MSH3: variants seen among roughly 807,000 people sequenced by gnomAD.
MSH3 encodes DNA mismatch repair protein Msh3.
In MSH3, 106 loss-of-function variants were observed where a neutral mutation model predicts 123.3. That is an observed-to-expected ratio of 0.86 (90% CI 0.73 to 1.01). The LOEUF is 1.01. MSH3 is among the 50% of genes least tolerant of loss of function. The probability of loss-of-function intolerance (pLI) is 0.00; values close to 1 mark genes in which losing one functional copy is unlikely to be tolerated. For missense variants in MSH3, 1,459 were observed against 1,347.6 expected, an observed-to-expected ratio of 1.08 and a Z score of -1.29; for synonymous variants, 515 against 481.4, an observed-to-expected ratio of 1.07 and a Z score of -0.91.
intron 12 of MSH3, among the ~76,000 whole-genome samples, chr5:80,749,938 T>A (rs372887656): frequency 3.3e-5 from 5 of 152,128 alleles, no homozygotes; most frequent in Admixed American, 6.6e-5. Context: ...TTTATTTGAT[T>A]TTACATATAA....
chr5:80,812,731 C>G (rs923563919), intron 19 of MSH3, among the ~76,000 whole-genome samples: 4 of 151,916 alleles, frequency 2.6e-5, no homozygotes, highest in Non-Finnish European at 5.9e-5. Context: ...TCACACCCAG[C>G]TAATTTTTGT....
intron 15 of MSH3, 50 bp downstream of exon 15, chr5:80,769,053 A>T (rs745875813): frequency 2.4e-5 from 36 of 1,515,222 alleles, no homozygotes; most frequent in Non-Finnish European, 3.0e-5. Flanking sequence ...CTAGTAGAAA[A>T]GCTATTTTAA....
At chr5:80,817,474 C>CT (rs1745125870) in intron 20 of MSH3, among the ~76,000 whole-genome samples, 1 of 152,028 alleles carries the variant, frequency 6.6e-6, no homozygotes, top group Non-Finnish European at 1.5e-5. Context: ...CAGTGAGGGA[C>CT]TTGTTTTTTG....
At chr5:80,761,349 G>C (rs1160040989) in intron 12 of MSH3, among the ~76,000 whole-genome samples, 197 bp from the exon 13 acceptor site, 1 of 152,262 alleles carries the variant, frequency 6.6e-6, no homozygotes, top group East Asian at 1.9e-4. Flanking sequence ...CTCCACCCCA[G>C]TGCACCCTCC....
At chr5:80,801,246 A>G (rs1744785049) in intron 19 of MSH3, among the ~76,000 whole-genome samples, 1 of 152,162 alleles carries the variant, frequency 6.6e-6, no homozygotes, top group South Asian at 2.1e-4. Context: ...TGGAGAGTGG[A>G]TTGTGGGCAG....
chr5:80,873,499 A>T (rs1440678629), intron 23 of MSH3, among the ~76,000 whole-genome samples: 1 of 152,136 alleles, frequency 6.6e-6, no homozygotes, highest in Non-Finnish European at 1.5e-5. Context: ...AAGTTGCTAA[A>T]TTGGTTTTTC....
At chr5:80,782,567 C>G (rs1160750472) in intron 17 of MSH3, among the ~76,000 whole-genome samples, 2 of 152,054 alleles carry the variant, frequency 1.3e-5, no homozygotes, top group African/African-American at 4.8e-5. Flanking sequence ...AGAACCAATC[C>G]CCTATGGATA....
At chr5:80,687,881 A>G (rs1176865546) in intron 8 of MSH3, among the ~76,000 whole-genome samples, 5 of 152,198 alleles carry the variant, frequency 3.3e-5, no homozygotes, top group Non-Finnish European at 7.3e-5. Flanking sequence ...AAAAGCGGAT[A>G]CAGAGAAAAG....
intron 2 of MSH3, among the ~76,000 whole-genome samples, chr5:80,660,494 ACAGT>A (rs1257766928): frequency 6.6e-6 from 1 of 152,178 alleles, no homozygotes; most frequent in African/African-American, 2.4e-5. Flanking sequence ...GGGTCGGGGC[ACAGT>A]CAAACTATAT....
chr5:80,845,422 T>G (rs1745703700), intron 20 of MSH3, among the ~76,000 whole-genome samples: 1 of 152,182 alleles, frequency 6.6e-6, no homozygotes, highest in Non-Finnish European at 1.5e-5. Flanking sequence ...GTGTTCTCTG[T>G]ATTTCCTGAA....
chr5:80,791,544 T>C (rs1340777764), intron 18 of MSH3, among the ~76,000 whole-genome samples: 1 of 152,178 alleles, frequency 6.6e-6, no homozygotes, highest in Non-Finnish European at 1.5e-5. Context: ...CAGGAGAATA[T>C]GGAATAAAAC....
At chr5:80,723,090 T>C (rs1751119945) in intron 8 of MSH3, among the ~76,000 whole-genome samples, 1 of 119,432 alleles carries the variant, frequency 8.4e-6, no homozygotes, top group Non-Finnish European at 1.7e-5. Flanking sequence ...TGAAACTCTG[T>C]CTAAAAATAA....
chr5:80,707,355 C>A (rs1342747537), intron 8 of MSH3, among the ~76,000 whole-genome samples: 1 of 152,148 alleles, frequency 6.6e-6, no homozygotes, highest in Non-Finnish European at 1.5e-5. Flanking sequence ...TCTCACAGAT[C>A]TATATTTTCA....
chr5:80,654,898 C>CGCAGCGGCT lies in MSH3; in HGVS notation c.179_180insTGCAGCGGC (p.Ala60_Ala62dup). 1.2e-6 allele frequency: 1 copy of CGCAGCGGCT among 820,034 alleles called. No individual in the cohort carries two copies. Among genetic ancestry groups the CGCAGCGGCT allele is most frequent in the Non-Finnish European group, 1.7e-6 (1 of 600,234 alleles). 50.8% of individuals were successfully genotyped at this position (820,034 alleles called of 1,614,324 possible). On this transcript the variant is annotated inframe_insertion, in exon 1 of 24. Coordinates refer to ENST00000265081, the MANE Select transcript of MSH3 (RefSeq NM_002439.5). ...CTGGCGCTGCAGCGGCTGCAGCGGC[C>CGCAGCGGCT]GCAGCGGCCGCAGCGCCCCCAGCGC...
chr5:80,805,578 GCC>G lies in MSH3; in HGVS notation c.2656-7996_2656-7995del, dbSNP rs35730651. ...TTTTTGTCTTCACTTTCAATATGATGCCCCCCCCCCCTACCTTTTTTTTTTTT... is the reference window on the plus strand; with the variant it reads ...TTTTTGTCTTCACTTTCAATATGATGCCCCCCCCCTACCTTTTTTTTTTTT... On this transcript the variant is annotated intron_variant, in intron 19 of 23. Transcript: ENST00000265081. Among the ~76,000 whole-genome samples the G allele has an allele frequency of 3.2e-3, 229 of 71,078 alleles. 4 individuals are homozygous for G. The highest frequency in any genetic ancestry group is 8.6e-3 in the African/African-American group (130 of 15,050). 46.6% of individuals were successfully genotyped at this position (71,078 alleles called of 152,430 possible). A position where few individuals can be genotyped will look rare whatever the true frequency, so the allele number is the denominator to read the frequency against.
intron 1 of MSH3, 28 bp from the exon 2 acceptor site, chr5:80,656,383 A>T: frequency 6.2e-7 from 1 of 1,613,746 alleles, no homozygotes; most frequent in Non-Finnish European, 8.5e-7. Context: ...TAGAGATAAC[A>T]CATCATTTTC....
chr5:80,753,794 G>C (rs573307578), intron 12 of MSH3, among the ~76,000 whole-genome samples: 1 of 152,084 alleles, frequency 6.6e-6, no homozygotes, highest in Non-Finnish European at 1.5e-5. Flanking sequence ...AGTTTTAAAC[G>C]TGTAGCTTCC....
chr5:80,849,818 G>A lies in MSH3; in HGVS notation c.2814-4312G>A, dbSNP rs556964095. Among the ~76,000 whole-genome samples the A allele has an allele frequency of 7.2e-5, 11 of 152,190 alleles. No individual in the cohort carries two copies. In the East Asian group the frequency reaches 2.1e-3, roughly 29 times the overall value. On this transcript the variant is annotated intron_variant, in intron 20 of 23. Transcript: ENST00000265081. The stretch of plus-strand genomic sequence containing the variant: ...TGGAGACATTTTCCCCATTGTCTTG[G>A]GGATTAACATTCAGCTCCTCGTTTT...
intron 22 of MSH3, among the ~76,000 whole-genome samples, chr5:80,866,199 C>T (rs1270745312): frequency 2.0e-5 from 3 of 152,154 alleles, no homozygotes; most frequent in Non-Finnish European, 2.9e-5. Context: ...AGTGCAGTGG[C>T]ACGATCATAG....
Sources: allele counts gnomAD v4.1 joint callset (sites outside exome capture counted in the v4.1 genomes callset), GRCh38; gene constraint gnomAD v4.1.1; transcripts MANE v1.5; gene names NCBI Gene and HGNC (gene_info 2026-07-23, HGNC 2026-07-21).